The following CRISP1 variants were observed in gnomAD, a reference collection of about 807,000 sequenced individuals.
The protein encoded by CRISP1 is cysteine rich secretory protein 1, also known as cysteine-rich secretory protein 1.
In CRISP1, 44 loss-of-function variants were observed where a neutral mutation model predicts 33.1. The observed-to-expected ratio is 1.33, with a 90% CI of 1.05 to 1.71. The LOEUF (loss-of-function observed/expected upper bound fraction) is 1.71. Among genes scored for constraint, CRISP1 ranks in the 40% most tolerant of loss-of-function variants. The pLI, the probability that CRISP1 is intolerant of heterozygous loss-of-function variation, is 0.00. For missense variants in CRISP1, 390 were observed against 301.2 expected (o/e 1.29, Z -2.18); for synonymous variants, 103 against 98.7 (o/e 1.04, Z -0.26).
chr6:49,852,184 A>T (rs1332534279), intron 2 of CRISP1, 55 bp from the exon 3 acceptor site: 3 of 1,575,584 alleles, frequency 1.9e-6, no homozygotes, highest in African/African-American at 2.7e-5. Flanking sequence ...AATTTGTCAC[A>T]TATATTTTGC....
At chr6:49,842,004 C>A (rs1055311749) in intron 5 of CRISP1, among the ~76,000 whole-genome samples, 1 of 152,152 alleles carries the variant, frequency 6.6e-6, no homozygotes, top group African/African-American at 2.4e-5. Context: ...TCTCACAGTC[C>A]TAGAGACTTT....
intron 2 of CRISP1, among the ~76,000 whole-genome samples, chr6:49,852,789 A>G (rs530455617): frequency 6.6e-6 from 1 of 152,190 alleles, no homozygotes; most frequent in African/African-American, 2.4e-5. Flanking sequence ...ACTCACTAAG[A>G]AGAAAAATAC....
At chr6:49,871,957 T>A (rs1309798259) in intron 1 of CRISP1, among the ~76,000 whole-genome samples, 2 of 152,118 alleles carry the variant, frequency 1.3e-5, no homozygotes, top group African/African-American at 4.8e-5. Context: ...TAGTTCTAGA[T>A]CCCTGAGGAA....
chr6:49,843,121 A>C (rs919968733), intron 5 of CRISP1, among the ~76,000 whole-genome samples: 1 of 152,204 alleles, frequency 6.6e-6, no homozygotes, highest in African/African-American at 2.4e-5. Context: ...TAGTTGACTT[A>C]TATAGGAAAT....
At chr6:49,857,291 T>C in intron 2 of CRISP1, 44 bp downstream of exon 2, 2 of 1,576,944 alleles carry the variant, frequency 1.3e-6, no homozygotes, top group Non-Finnish European at 1.7e-6. Flanking sequence ...TTAGCTCTTA[T>C]CTTTATTTAG....
Position 49,846,596 on chromosome 6 carries a change from T to C in CRISP1, c.359A>G (p.Tyr120Cys), listed in dbSNP as rs1268723916. The C allele has an allele frequency of 3.1e-6, 5 of 1,613,620 alleles. No individual in the cohort carries two copies. The South Asian group carries it at 5.5e-5, about 18-fold the overall frequency. The stretch of plus-strand genomic sequence containing the variant: ...ATGTTTGAAACTTGTAGACTCACTG[T>C]ACCAGACTCCAATTACACTTGACCA... ...VSWSSVIGVW[Y>C]SESTSFKHGE... The change falls in exon 5 of 8, where the codon TAC becomes TGC. Residue 120 changes from tyrosine (Y) to cysteine (C), a missense_variant. By Grantham distance (194) the Tyr-to-Cys change is radical (BLOSUM62 -2). Transcript: ENST00000335847.
chr6:49,860,175 G>A (rs1217941222), intron 1 of CRISP1, among the ~76,000 whole-genome samples: 1 of 151,890 alleles, frequency 6.6e-6, no homozygotes, highest in Admixed American at 6.6e-5. Flanking sequence ...ATAATAGTGG[G>A]GACTTCAACA....
rs1490040838 is a variant in CRISP1, at chr6:49,835,414, A to T, written c.652T>A (p.Phe218Ile). ...TAATGGACTTGTATGTCACAGTCGAAGTATTCATCATAGTAGATGCAGGGG... is the reference window on the plus strand; with the variant it reads ...TAATGGACTTGTATGTCACAGTCGATGTATTCATCATAGTAGATGCAGGGG... ...TNPCIYYDEY[F>I]DCDIQVHYLG... The change falls in exon 8 of 8, where the codon TTC becomes ATC. Residue 218 changes from phenylalanine (F) to isoleucine (I), a missense_variant. Coordinates refer to ENST00000335847, the MANE Select transcript of CRISP1 (RefSeq NM_001131.3). The T allele has an allele frequency of 1.2e-6, 2 of 1,613,668 alleles. No individual in the cohort carries two copies. Among genetic ancestry groups the T allele is most frequent in the African/African-American group, 1.3e-5 (1 of 74,930 alleles).
intron 6 of CRISP1, among the ~76,000 whole-genome samples, chr6:49,840,250 C>G (rs890831198): frequency 6.6e-6 from 1 of 152,200 alleles, no homozygotes; most frequent in Non-Finnish European, 1.5e-5. Context: ...CTTACTTGAT[C>G]TTGCTTCATA....
chr6:49,838,295 G>C, intron 7 of CRISP1, 142 bp downstream of exon 7: 1 of 641,628 alleles, frequency 1.6e-6, no homozygotes, highest in Admixed American at 2.8e-5. Context: ...GGCAATTGGG[G>C]AGGGGTAAGC....
chr6:49,849,844 G>A (rs1211334065), intron 3 of CRISP1, among the ~76,000 whole-genome samples: 1 of 151,860 alleles, frequency 6.6e-6, no homozygotes, highest in African/African-American at 2.4e-5. Context: ...CTAGCACTGG[G>A]TAAAACCATG....
chr6:49,873,038 G>T (rs1436141453), intron 1 of CRISP1, among the ~76,000 whole-genome samples: 1 of 152,200 alleles, frequency 6.6e-6, no homozygotes, highest in African/African-American at 2.4e-5. Context: ...CATGAGCATG[G>T]AATGATAGCA....
chr6:49,840,234 C>G (rs1227638973), intron 6 of CRISP1, among the ~76,000 whole-genome samples: 1 of 152,146 alleles, frequency 6.6e-6, no homozygotes, highest in Non-Finnish European at 1.5e-5. Flanking sequence ...CTGCAGTCAT[C>G]CTTGTCTTAC....
rs756867160 is a variant in CRISP1, at chr6:49,835,316, C to A, written c.750G>T (p.Ter250TyrextTer11). 1.2e-6 allele frequency: 2 copies of A among 1,613,062 alleles called. No homozygotes were observed. The highest frequency in any genetic ancestry group is 1.1e-5 in the South Asian group (1 of 90,958). ...ATCLCDTEIK* is the reference protein window; with the variant it reads ...ATCLCDTEIKY ...TAGAACAGTTGAAAATAACAAAGAC[C>A]TATTTTATCTCAGTGTCACACAGAC... The change falls in exon 8 of 8, where the codon TAG (stop) becomes TAT (tyrosine). Residue 250 changes from the stop codon to tyrosine (Y), a stop_lost. Coordinates refer to ENST00000335847, the MANE Select transcript of CRISP1 (RefSeq NM_001131.3).
intron 2 of CRISP1, among the ~76,000 whole-genome samples, chr6:49,857,077 G>C (rs1483345611): frequency 6.6e-6 from 1 of 152,130 alleles, no homozygotes; most frequent in Non-Finnish European, 1.5e-5. Flanking sequence ...AGAGCTAACT[G>C]ATTAAGTATA....
intron 5 of CRISP1, among the ~76,000 whole-genome samples, chr6:49,846,316 A>G (rs1398623527): frequency 1.3e-5 from 2 of 152,162 alleles, no homozygotes. Flanking sequence ...GTGAGTAAAG[A>G]AGGATACTAA....
chr6:49,856,421 C>T (rs1404267898), intron 2 of CRISP1, among the ~76,000 whole-genome samples: 1 of 152,106 alleles, frequency 6.6e-6, no homozygotes, highest in Non-Finnish European at 1.5e-5. Context: ...AGGAAGAAGT[C>T]TTATTCAGGA....
chr6:49,857,607 A>G (rs56118419), intron 1 of CRISP1, among the ~76,000 whole-genome samples: 14,736 of 152,234 alleles, frequency 0.097, 997 homozygotes, highest in Non-Finnish European at 0.15. Flanking sequence ...AATCTCAAAA[A>G]TATAAATTGT....
upstream of CRISP1, among the ~76,000 whole-genome samples, chr6:49,870,872 G>A (rs749344447): frequency 5.3e-5 from 8 of 152,052 alleles, no homozygotes; most frequent in Non-Finnish European, 1.2e-4. Context: ...CGAGGTGGGC[G>A]GATGACCTGA....
Sources: gnomAD v4.1 joint callset for allele counts (sites outside exome capture counted in the v4.1 genomes callset) on GRCh38, gnomAD v4.1.1 for gene constraint, MANE v1.5 for transcripts, NCBI Gene and HGNC (gene_info 2026-07-23, HGNC 2026-07-21) for gene names.